Variants in MTUS2 observed in about 807,000 individuals in gnomAD.
MTUS2 encodes microtubule associated scaffold protein 2.
MTUS2 carries 40 observed loss-of-function variants against 114.1 expected under a neutral mutation model. The observed-to-expected ratio is 0.35, with a 90% CI of 0.27 to 0.46. The LOEUF is 0.46. Among genes scored for constraint, MTUS2 ranks in the 20% least tolerant of loss-of-function variants. MTUS2 has a pLI of 1.00. For missense variants in MTUS2, 1,679 were observed against 1,705.4 expected (o/e 0.98, Z 0.27); for synonymous variants, 688 against 672.0 (o/e 1.02, Z -0.37).
chr13:29,212,750 C>G, intron 5 of MTUS2, among the ~76,000 whole-genome samples: 1 of 152,372 alleles, frequency 6.6e-6, no homozygotes, highest in East Asian at 1.9e-4. Context: ...AGTGTGGGAG[C>G]TTGTGTCCCC....
chr13:29,104,791 C>T (rs917089280), intron 5 of MTUS2, among the ~76,000 whole-genome samples: 13 of 152,106 alleles, frequency 8.5e-5, no homozygotes, highest in Non-Finnish European at 1.5e-4. Flanking sequence ...AAAGAGGGAA[C>T]GTAATTTTCT....
intron 2 of MTUS2, among the ~76,000 whole-genome samples, chr13:28,989,392 G>A (rs1453766578): frequency 6.6e-6 from 1 of 152,230 alleles, no homozygotes; most frequent in Non-Finnish European, 1.5e-5. Flanking sequence ...GGGAGCATAT[G>A]TAGTTCAGAC....
At chr13:29,363,223 T>A (rs1207657522) in intron 8 of MTUS2, among the ~76,000 whole-genome samples, 1 of 152,192 alleles carries the variant, frequency 6.6e-6, no homozygotes, top group Non-Finnish European at 1.5e-5. Context: ...GTCCACAGGA[T>A]GGTCCTCACC....
intron 5 of MTUS2, among the ~76,000 whole-genome samples, chr13:29,241,682 A>G (rs1308168270): frequency 6.6e-6 from 1 of 152,214 alleles, no homozygotes; most frequent in Non-Finnish European, 1.5e-5. Context: ...GGTTTCTTGG[A>G]CAAGAACCCC....
chr13:29,403,355 C>G lies in MTUS2; in HGVS notation c.3118-36628C>G, dbSNP rs372569214. Among the ~76,000 whole-genome samples, 19 of 152,280 alleles carry G rather than the reference C, an allele frequency of 1.2e-4. 1 individual carries two copies. Among genetic ancestry groups the G allele is most frequent in the African/African-American group, 4.3e-4 (18 of 41,552 alleles). ...GGCCCCTGTCCACCCTGTATCTGCA[C>G]TATTCTTTGTATTTTGGCACCACGA... On this transcript the variant is annotated intron_variant, in intron 8 of 15. Coordinates refer to ENST00000612955, the MANE Select transcript of MTUS2 (RefSeq NM_001033602.4).
intron 5 of MTUS2, among the ~76,000 whole-genome samples, chr13:29,232,844 G>A (rs74041779): frequency 0.061 from 9,295 of 152,262 alleles, 301 homozygotes; most frequent in Middle Eastern, 0.078. Context: ...CAGGAGAAAT[G>A]TCTGTATTAA....
chr13:29,089,977 A>G (rs2475535), intron 4 of MTUS2, among the ~76,000 whole-genome samples: 148,184 of 152,318 alleles, frequency 0.97, 72,147 homozygotes, highest in Non-Finnish European at 0.99. Flanking sequence ...TGGGGAGCTA[A>G]TGTGGTCATT....
chr13:29,349,754 G>T (rs1296048886), intron 7 of MTUS2, among the ~76,000 whole-genome samples: 5 of 151,958 alleles, frequency 3.3e-5, no homozygotes, highest in Non-Finnish European at 7.4e-5. Context: ...TTGGGTCTTT[G>T]TACATAATGT....
chr13:28,832,675 A>G (rs1448443563), intron 1 of MTUS2, among the ~76,000 whole-genome samples: 1 of 147,986 alleles, frequency 6.8e-6, no homozygotes, highest in Non-Finnish European at 1.5e-5. Flanking sequence ...ATATATTTAA[A>G]ATTATATATT....
At chr13:29,342,445 T>A (rs1324326197) in intron 7 of MTUS2, among the ~76,000 whole-genome samples, 1 of 152,170 alleles carries the variant, frequency 6.6e-6, no homozygotes, top group Admixed American at 6.5e-5. Context: ...GAGTTCTTGA[T>A]TTGATTGTCA....
chr13:29,505,080 T>C lies in MTUS2; in HGVS notation c.*1874T>C. On this transcript the variant is annotated 3_prime_UTR_variant, in exon 16 of 16. Coordinates refer to ENST00000612955, the MANE Select transcript of MTUS2 (RefSeq NM_001033602.4). The stretch of plus-strand genomic sequence containing the variant: ...CCACATGGAAACACCACCATTTCTC[T>C]TTGCTTTAGTGGCTCTGCATGATAC... The C allele has an allele frequency of 4.3e-6, 1 of 232,184 alleles. No homozygotes were observed. Among genetic ancestry groups the C allele is most frequent in the East Asian group, 6.1e-5 (1 of 16,454 alleles). The allele number at this position is 232,184 out of a possible 1,614,324, so 14.4% of individuals were successfully genotyped here. A position where few individuals can be genotyped will look rare whatever the true frequency, so the allele number is the denominator to read the frequency against.
chr13:29,109,314 GTA>G lies in MTUS2; in HGVS notation c.2644+8346_2644+8347del, dbSNP rs761908396. 1.1e-4 allele frequency among the ~76,000 whole-genome samples: 16 copies of G among 152,234 alleles called. No individual in the cohort carries two copies. The East Asian group carries it at 2.3e-3, about 22-fold the overall frequency. On this transcript the variant is annotated intron_variant, in intron 5 of 15. Coordinates refer to ENST00000612955, the MANE Select transcript of MTUS2 (RefSeq NM_001033602.4). ...CTCTTCTGTGTATATGTGTGTGTGT[GTA>G]TGTGTGGTAAGAACATTTAAGATCT...
chr13:29,156,377 T>C (rs1287770617), intron 5 of MTUS2, among the ~76,000 whole-genome samples: 1 of 152,120 alleles, frequency 6.6e-6, no homozygotes, highest in East Asian at 1.9e-4. Context: ...AAAATAGCTT[T>C]ATCTATATTG....
At chr13:29,426,818 C>T (rs1876573039) in intron 8 of MTUS2, among the ~76,000 whole-genome samples, 1 of 152,228 alleles carries the variant, frequency 6.6e-6, no homozygotes, top group South Asian at 2.1e-4. Context: ...GCATACACCA[C>T]ATTTTGTTTA....
chr13:29,276,544 A>G lies in MTUS2; in HGVS notation c.2645-5160A>G, dbSNP rs575577281. ...GATGGAAGTAGAGTGTCCCGCTGGC[A>G]TGGGCACAGGAAGGGAATTAAGGAG... On this transcript the variant is annotated intron_variant, in intron 5 of 15. Coordinates refer to ENST00000612955, the MANE Select transcript of MTUS2 (RefSeq NM_001033602.4). Among the ~76,000 whole-genome samples the G allele has an allele frequency of 3.6e-4, 55 of 152,274 alleles. 1 individual carries two copies. Among genetic ancestry groups the G allele is most frequent in the South Asian group, 3.3e-3 (16 of 4,820 alleles).
At chr13:28,919,449 G>A (rs1880924270) in intron 2 of MTUS2, among the ~76,000 whole-genome samples, 1 of 151,854 alleles carries the variant, frequency 6.6e-6, no homozygotes, top group Non-Finnish European at 1.5e-5. Context: ...TAGACATATT[G>A]GAGCTCCATT....
chr13:29,103,590 A>T (rs780697248), intron 5 of MTUS2, among the ~76,000 whole-genome samples: 34 of 152,216 alleles, frequency 2.2e-4, no homozygotes, highest in Non-Finnish European at 4.1e-4. Context: ...GGTCTAGGAC[A>T]TCATTGTACA....
intron 8 of MTUS2, among the ~76,000 whole-genome samples, chr13:29,401,498 T>C (rs915713273): frequency 1.3e-5 from 2 of 152,206 alleles, no homozygotes; most frequent in African/African-American, 4.8e-5. Context: ...CGTTTTTCTG[T>C]TTACATTTTG....
intron 8 of MTUS2, among the ~76,000 whole-genome samples, chr13:29,369,759 G>A (rs1427247760): frequency 2.0e-5 from 3 of 152,156 alleles, no homozygotes; most frequent in African/African-American, 7.2e-5. Flanking sequence ...TCTATTACAC[G>A]ACAGTATTCT....
Sources: allele counts gnomAD v4.1 joint callset (sites outside exome capture counted in the v4.1 genomes callset), GRCh38; gene constraint gnomAD v4.1.1; transcripts MANE v1.5; gene names NCBI Gene and HGNC (gene_info 2026-07-23, HGNC 2026-07-21).